Variants in IQCB1 observed in about 807,000 individuals in gnomAD.
IQCB1 encodes the protein IQ calmodulin-binding motif-containing protein 1.
A neutral mutation model predicts 84.4 loss-of-function variants in IQCB1; 56 were observed. That is an observed-to-expected ratio of 0.66 (90% CI 0.54 to 0.83). IQCB1 has a LOEUF of 0.83. Ranked by LOEUF, IQCB1 falls within the 40% of genes least tolerant of loss-of-function variation. The probability of loss-of-function intolerance (pLI) is 0.00; values close to 1 mark genes in which losing one functional copy is unlikely to be tolerated. For synonymous variants in IQCB1, 210 were observed against 234.8 expected (o/e 0.89, Z 0.96); for missense variants, 629 against 682.1 (o/e 0.92, Z 0.87).
At chr3:121,790,265 A>T in intron 10 of IQCB1, 50 bp from the exon 11 acceptor site, 1 of 1,544,366 alleles carries the variant, frequency 6.5e-7, no homozygotes, top group Non-Finnish European at 8.9e-7. Context: ...TCATATGAAA[A>T]AATGCATAAC....
At chr3:121,828,790 G>T in intron 3 of IQCB1, 71 bp downstream of exon 3, 1 of 1,097,450 alleles carries the variant, frequency 9.1e-7, no homozygotes, top group Non-Finnish European at 1.4e-6. Flanking sequence ...TAAAAGAAAT[G>T]TTAAAATTGT....
At chr3:121,833,002 T>C (rs1559808834) in intron 2 of IQCB1, among the ~76,000 whole-genome samples, 1 of 152,238 alleles carries the variant, frequency 6.6e-6, no homozygotes, top group Non-Finnish European at 1.5e-5. Flanking sequence ...TTCTAGTAAT[T>C]TAATCTGTTT....
At chr3:121,774,227 T>C (rs527291397) in intron 13 of IQCB1, among the ~76,000 whole-genome samples, 1 of 152,274 alleles carries the variant, frequency 6.6e-6, no homozygotes, top group South Asian at 2.1e-4. Context: ...AACCATAAGA[T>C]ACAACTTCAT....
intron 5 of IQCB1, among the ~76,000 whole-genome samples, chr3:121,820,858 C>T (rs1016245767): frequency 1.3e-5 from 2 of 151,566 alleles, no homozygotes; most frequent in Non-Finnish European, 2.9e-5. Context: ...GTTCTTCTAG[C>T]TTACTACAAT....
intron 7 of IQCB1, among the ~76,000 whole-genome samples, chr3:121,802,350 G>C (rs925905799): frequency 6.6e-6 from 1 of 151,952 alleles, no homozygotes; most frequent in Non-Finnish European, 1.5e-5. Flanking sequence ...ATTGCTCCTT[G>C]AGTAAATTTT....
intron 5 of IQCB1, among the ~76,000 whole-genome samples, chr3:121,818,689 AAAAG>A (rs1380687354): frequency 1.3e-5 from 2 of 152,228 alleles, no homozygotes; most frequent in Non-Finnish European, 2.9e-5. Flanking sequence ...AACAGATTTT[AAAAG>A]AGAGATTATA....
intron 13 of IQCB1, among the ~76,000 whole-genome samples, chr3:121,777,375 G>A (rs1948271909): frequency 6.6e-6 from 1 of 152,102 alleles, no homozygotes; most frequent in South Asian, 2.1e-4. Context: ...TTGCTCTTAG[G>A]CTACAAATCT....
intron 5 of IQCB1, among the ~76,000 whole-genome samples, chr3:121,810,231 G>A (rs1041978751): frequency 6.6e-6 from 1 of 152,078 alleles, no homozygotes; most frequent in Non-Finnish European, 1.5e-5. Context: ...AAACCACTTT[G>A]TATTTTAGGT....
rs540996699 is a variant in IQCB1, at chr3:121,792,087, AAAC to A, written c.987-1875_987-1873del. On this transcript the variant is annotated intron_variant, in intron 10 of 14. Transcript: ENST00000310864. ...AGTGACAGAGTGAGACTCCGCCTCA[AAAC>A]AACAACAACGACAAAAAACTACCTC... Among the ~76,000 whole-genome samples the A allele has an allele frequency of 3.5e-4, 53 of 152,298 alleles. 1 individual carries two copies. The highest frequency in any genetic ancestry group is 6.3e-4 in the African/African-American group (26 of 41,570).
intron 2 of IQCB1, among the ~76,000 whole-genome samples, chr3:121,831,152 T>A (rs1950622093): frequency 6.6e-6 from 1 of 151,072 alleles, no homozygotes; most frequent in Non-Finnish European, 1.5e-5. Flanking sequence ...TACTTCACAG[T>A]ATGCATCTCT....
chr3:121,782,781 G>T (rs1227927890), intron 12 of IQCB1, among the ~76,000 whole-genome samples: 1 of 152,050 alleles, frequency 6.6e-6, no homozygotes, highest in East Asian at 1.9e-4. Context: ...CCAGGTTCAA[G>T]CAATTCCCCT....
intron 14 of IQCB1, among the ~76,000 whole-genome samples, chr3:121,770,903 C>T (rs550857996): frequency 2.6e-5 from 4 of 152,244 alleles, no homozygotes; most frequent in Admixed American, 2.0e-4. Flanking sequence ...AACTCCTGGA[C>T]TCAAGCAATC....
intron 5 of IQCB1, 144 bp downstream of exon 5, chr3:121,825,906 AT>A: frequency 1.2e-6 from 1 of 811,560 alleles, no homozygotes; most frequent in Non-Finnish European, 1.9e-6. Flanking sequence ...CATAGAGATG[AT>A]TTTTGGAAGG....
chr3:121,811,914 T>C (rs1949846274), intron 5 of IQCB1, among the ~76,000 whole-genome samples: 2 of 152,180 alleles, frequency 1.3e-5, no homozygotes, highest in Non-Finnish European at 2.9e-5. Context: ...ACAGTTGATA[T>C]ACTGAATTTG....
chr3:121,813,920 G>T (rs1358478889), intron 5 of IQCB1, among the ~76,000 whole-genome samples: 1 of 152,162 alleles, frequency 6.6e-6, no homozygotes, highest in Non-Finnish European at 1.5e-5. Context: ...GGACCAAGCG[G>T]ACCTAATAGA....
chr3:121,774,898 A>G (rs1472771429), intron 13 of IQCB1, among the ~76,000 whole-genome samples: 1 of 152,240 alleles, frequency 6.6e-6, no homozygotes, highest in East Asian at 1.9e-4. Flanking sequence ...GGTAATTTTT[A>G]TATTTTATCT....
intron 10 of IQCB1, among the ~76,000 whole-genome samples, chr3:121,792,368 G>GTGA (rs1949016713): frequency 6.6e-6 from 1 of 151,890 alleles, no homozygotes; most frequent in Non-Finnish European, 1.5e-5. Flanking sequence ...CAGGACAAAA[G>GTGA]TGAGATTTGG....
At chr3:121,812,551 G>C (rs948093397) in intron 5 of IQCB1, among the ~76,000 whole-genome samples, 3 of 152,184 alleles carry the variant, frequency 2.0e-5, no homozygotes, top group Non-Finnish European at 4.4e-5. Context: ...TTGCTAACTA[G>C]AATAACCAGT....
chr3:121,808,553 T>C (rs1354927660), intron 6 of IQCB1, among the ~76,000 whole-genome samples: 2 of 152,062 alleles, frequency 1.3e-5, no homozygotes, highest in Non-Finnish European at 2.9e-5. Flanking sequence ...ATATCCACCC[T>C]GAACATAGGG....
Sources: allele counts gnomAD v4.1 joint callset (sites outside exome capture counted in the v4.1 genomes callset), GRCh38; gene constraint gnomAD v4.1.1; transcripts MANE v1.5; gene names NCBI Gene and HGNC (gene_info 2026-07-23, HGNC 2026-07-21).